TXLNB: variants seen among roughly 807,000 people sequenced by gnomAD.
TXLNB encodes the protein taxilin beta.
In TXLNB, 37 loss-of-function variants were observed where a neutral mutation model predicts 57.4. The observed-to-expected ratio is 0.64, with a 90% CI of 0.50 to 0.85. TXLNB has a LOEUF of 0.85. TXLNB is among the 40% of genes least tolerant of loss of function. The pLI, the probability that TXLNB is intolerant of heterozygous loss-of-function variation, is 0.00. For synonymous variants in TXLNB, 302 were observed against 309.6 expected (o/e 0.98, Z 0.26); for missense variants, 848 against 825.6 (o/e 1.03, Z -0.33).
the TXLNB span, among the ~76,000 whole-genome samples, chr6:139,225,839 T>C: frequency 6.6e-6 from 1 of 151,512 alleles, no homozygotes; most frequent in African/African-American, 2.4e-5. Context: ...CTAAATTATA[T>C]ATGAAAGTAA....
Position 139,247,821 on chromosome 6 carries a change from TC to T in TXLNB, c.1165del (p.Asp389ThrfsTer7). Reference protein sequence around the residue: ...EVFATFKQEMDKTTKKMKKLE... With the variant: ...EVFATFKQEMXKTTKKMKKLE... ...TTGGTGATAAGCAATACTCACTTTGTCCATTTCCTGTTTGAACGTGGCAAAC... is the reference window on the plus strand; with the variant it reads ...TTGGTGATAAGCAATACTCACTTTGTCATTTCCTGTTTGAACGTGGCAAAC... On this transcript the variant is annotated frameshift_variant, in exon 8 of 10. Transcript: ENST00000358430. LOFTEE classifies it high-confidence loss of function. 1 of 1,601,092 alleles carries T rather than the reference TC, an allele frequency of 6.2e-7. No individual in the cohort carries two copies. Among genetic ancestry groups the T allele is most frequent in the East Asian group, 2.3e-5 (1 of 44,286 alleles).
At chr6:139,277,902 C>A (rs534560946) in intron 2 of TXLNB, among the ~76,000 whole-genome samples, 1 of 152,288 alleles carries the variant, frequency 6.6e-6, no homozygotes, top group South Asian at 2.1e-4. Flanking sequence ...CAAGAACAGA[C>A]ATTTCCCCTT....
At chr6:139,209,447 C>T in the TXLNB span, among the ~76,000 whole-genome samples, 3 of 152,004 alleles carry the variant, frequency 2.0e-5, no homozygotes, top group Non-Finnish European at 4.4e-5. Flanking sequence ...AGAAACACAC[C>T]TAAAATTCAT....
the TXLNB span, among the ~76,000 whole-genome samples, chr6:139,311,060 A>G: frequency 6.6e-6 from 1 of 152,238 alleles, no homozygotes; most frequent in African/African-American, 2.4e-5. Flanking sequence ...ATAATAATTG[A>G]TGAAATAATA....
At chr6:139,166,243 C>T in the TXLNB span, 5 of 1,510,848 alleles carry the variant, frequency 3.3e-6, no homozygotes, top group Non-Finnish European at 3.6e-6. Context: ...TACCCCTAAT[C>T]CAAAAATCTG....
chr6:139,203,912 A>G, the TXLNB span, among the ~76,000 whole-genome samples: 3 of 152,186 alleles, frequency 2.0e-5, no homozygotes, highest in East Asian at 5.8e-4. Flanking sequence ...GTGTTCTGGT[A>G]TATGTATGAA....
At chr6:139,274,851 G>C (rs1424564843) in intron 3 of TXLNB, among the ~76,000 whole-genome samples, 1 of 152,074 alleles carries the variant, frequency 6.6e-6, no homozygotes, top group Non-Finnish European at 1.5e-5. Flanking sequence ...AAGGGGTAAA[G>C]GAAAAATGAC....
chr6:139,249,314 G>A (rs1302226323), intron 7 of TXLNB, among the ~76,000 whole-genome samples: 1 of 152,222 alleles, frequency 6.6e-6, no homozygotes, highest in Non-Finnish European at 1.5e-5. Flanking sequence ...ATTTAGTATG[G>A]ATGATTCAGA....
At chr6:139,277,055 C>T (rs766420566) in intron 2 of TXLNB, 134 bp from the exon 3 acceptor site, 11 of 639,908 alleles carry the variant, frequency 1.7e-5, no homozygotes, top group Non-Finnish European at 2.9e-5. Flanking sequence ...ATGTAATTTT[C>T]TTTCCTATAG....
intron 4 of TXLNB, chr6:139,268,908 C>T (rs726794): frequency 0.41 from 61,596 of 151,914 alleles, 16,748 homozygotes; most frequent in African/African-American, 0.78. Context: ...CTCTCTCTCT[C>T]TCTTTATTTT....
At chr6:139,206,532 G>C in the TXLNB span, among the ~76,000 whole-genome samples, 1 of 152,148 alleles carries the variant, frequency 6.6e-6, no homozygotes, top group Admixed American at 6.5e-5. Flanking sequence ...GCCAGGCGTG[G>C]TGGCATGTGC....
chr6:139,169,426 T>C, the TXLNB span, among the ~76,000 whole-genome samples: 1 of 152,218 alleles, frequency 6.6e-6, no homozygotes, highest in Admixed American at 6.5e-5. Context: ...TTTAATAGCA[T>C]TCTCTTCTTG....
At chr6:139,175,514 C>T in the TXLNB span, among the ~76,000 whole-genome samples, 2 of 152,072 alleles carry the variant, frequency 1.3e-5, no homozygotes, top group African/African-American at 4.8e-5. Context: ...GAAGTGGCTC[C>T]CCTCTGCACA....
At chr6:139,247,031 G>C (rs1466711953) in intron 8 of TXLNB, among the ~76,000 whole-genome samples, 1 of 152,172 alleles carries the variant, frequency 6.6e-6, no homozygotes, top group Admixed American at 6.5e-5. Flanking sequence ...TCAAGGCTCT[G>C]TCAGTTATAT....
At chr6:139,263,852 G>A (rs1365355848) in intron 4 of TXLNB, among the ~76,000 whole-genome samples, 2 of 152,106 alleles carry the variant, frequency 1.3e-5, no homozygotes, top group African/African-American at 2.4e-5. Flanking sequence ...GAATTTGATT[G>A]CCTACCAAGT....
At chr6:139,254,470 T>C (rs1454590818) in intron 7 of TXLNB, among the ~76,000 whole-genome samples, 5 of 152,174 alleles carry the variant, frequency 3.3e-5, no homozygotes, top group Admixed American at 1.3e-4. Flanking sequence ...ACAGTCCCTT[T>C]AGCACTTGGG....
In TXLNB at chr6:139,260,346, T is replaced by C; in HGVS notation, c.974A>G (p.Glu325Gly). Reference protein sequence around the residue: ...EQAQEMMKEAEERHKREKEYL... With the variant: ...EQAQEMMKEAGERHKREKEYL... ...TTCCTTTTCTCGTTTGTGTCGCTCC[T>C]CCGCTTCCTTCATCATTTCTTGGGC... Residue 325 changes from glutamate (E) to glycine (G), a missense_variant, in exon 6 of 10, where the codon GAG becomes GGG. Transcript: ENST00000358430. The C allele has an allele frequency of 6.2e-7, 1 of 1,614,214 alleles. No individual in the cohort carries two copies. Among genetic ancestry groups the C allele is most frequent in the Non-Finnish European group, 8.5e-7 (1 of 1,180,028 alleles).
At chr6:139,208,453 T>C in the TXLNB span, among the ~76,000 whole-genome samples, 1 of 152,098 alleles carries the variant, frequency 6.6e-6, no homozygotes, top group South Asian at 2.1e-4. Context: ...GAAGCCAATA[T>C]CATCCTAATA....
chr6:139,269,572 T>C (rs553193031), intron 4 of TXLNB, among the ~76,000 whole-genome samples: 2 of 152,372 alleles, frequency 1.3e-5, no homozygotes, highest in South Asian at 4.1e-4. Flanking sequence ...TGAGGAACCA[T>C]GATTCTCTTC....
Sources: allele counts gnomAD v4.1 joint callset (sites outside exome capture counted in the v4.1 genomes callset), GRCh38; gene constraint gnomAD v4.1.1; transcripts MANE v1.5; gene names NCBI Gene and HGNC (gene_info 2026-07-23, HGNC 2026-07-21).